Variants in CREM observed in about 807,000 individuals in gnomAD.
CREM encodes cAMP-responsive element modulator.
In CREM, 13 loss-of-function variants were observed where a neutral mutation model predicts 37.3. That is an observed-to-expected ratio of 0.35 (90% confidence interval 0.23 to 0.55). The LOEUF is 0.55. Ranked by LOEUF, CREM falls within the 20% of genes least tolerant of loss-of-function variation. The pLI, the probability that CREM is intolerant of heterozygous loss-of-function variation, is 0.88. For synonymous variants in CREM, 124 were observed against 120.2 expected (o/e 1.03, Z -0.21); for missense variants, 296 against 362.3 (o/e 0.82, Z 1.49).
chr10:35,212,086 A>G lies in CREM; in HGVS notation c.*688A>G, dbSNP rs17575347. ...GCAGCTCCCATTCTATGTGTCATCA[A>G]TAGTGTCCTATGCAATAAAATTATT... On this transcript the variant is annotated 3_prime_UTR_variant, in exon 8 of 8. Transcript: ENST00000685392. 2,439 of 270,186 alleles carry G rather than the reference A, an allele frequency of 9.0e-3. 18 individuals are homozygous for G. The highest frequency in any genetic ancestry group is 0.031 in the Middle Eastern group (28 of 902). The allele number at this position is 270,186 out of a possible 1,614,324, so 16.7% of individuals were successfully genotyped here.
chr10:35,134,770 G>A (rs1474443310), intron 1 of CREM, among the ~76,000 whole-genome samples: 1 of 152,130 alleles, frequency 6.6e-6, no homozygotes, highest in African/African-American at 2.4e-5. Flanking sequence ...TGGCATGATG[G>A]CTCAAGCCTG....
intron 3 of CREM, among the ~76,000 whole-genome samples, chr10:35,172,317 G>A (rs1181908442): frequency 6.6e-6 from 1 of 152,132 alleles, no homozygotes; most frequent in East Asian, 1.9e-4. Context: ...GATTAGTGTG[G>A]AATAGCTGTT....
In CREM at chr10:35,137,805, GA is replaced by G; in HGVS notation, c.-30del. On this transcript the variant is annotated 5_prime_UTR_variant, in exon 2 of 8. Transcript: ENST00000685392. ...AGGATAAATAAAGAAAACAGGAAAG[GA>G]GGAAAGCATTGATTACAAATATCTT... 6.6e-7 allele frequency: 1 copy of G among 1,506,296 alleles called. No individual in the cohort carries two copies. The highest frequency in any genetic ancestry group is 9.0e-7 in the Non-Finnish European group (1 of 1,111,870). 93.3% of individuals were successfully genotyped at this position (1,506,296 alleles called of 1,614,324 possible).
At chr10:35,209,427 T>C in intron 7 of CREM, 1 of 930,482 alleles carries the variant, frequency 1.1e-6, no homozygotes. Context: ...GTGTTTTCCA[T>C]GGCTGAGGAG....
intron 2 of CREM, among the ~76,000 whole-genome samples, chr10:35,142,379 G>A (rs1002644262): frequency 6.6e-6 from 1 of 152,178 alleles, no homozygotes; most frequent in African/African-American, 2.4e-5. Flanking sequence ...GGAACATGGT[G>A]AGTGTAGATG....
At chr10:35,145,733 G>A (rs1157138334) in intron 2 of CREM, among the ~76,000 whole-genome samples, 1 of 124,812 alleles carries the variant, frequency 8.0e-6, no homozygotes, top group African/African-American at 3.0e-5. Context: ...GAGCCGAGAT[G>A]CCTCTGCACT....
rs186423564 is a variant in CREM, at chr10:35,139,327, C to G, written c.44+1448C>G. On this transcript the variant is annotated intron_variant, in intron 2 of 7. Transcript: ENST00000685392. ...TAGAGATGGAGTTTCACCATATTGA[C>G]CAAGCTGGCCTCAAACTCCTGACCT... Among the ~76,000 whole-genome samples the G allele has an allele frequency of 1.5e-3, 225 of 152,198 alleles. 1 individual carries two copies. Among genetic ancestry groups the G allele is most frequent in the African/African-American group, 4.9e-3 (205 of 41,538 alleles).
chr10:35,130,196 CAAAAAAA>C (rs754455183), intron 1 of CREM, among the ~76,000 whole-genome samples: 1 of 67,206 alleles, frequency 1.5e-5, no homozygotes. Flanking sequence ...AACTCAGTCT[CAAAAAAA>C]AAAAAAAAAA....
intron 6 of CREM, among the ~76,000 whole-genome samples, chr10:35,193,554 G>C (rs956081786): frequency 1.3e-5 from 2 of 152,160 alleles, no homozygotes; most frequent in Middle Eastern, 3.2e-3. Flanking sequence ...GCCCCAGATT[G>C]AGGTTGATGT....
At chr10:35,164,743 C>T (rs2093453317) in intron 3 of CREM, among the ~76,000 whole-genome samples, 1 of 152,166 alleles carries the variant, frequency 6.6e-6, no homozygotes, top group Non-Finnish European at 1.5e-5. Context: ...AATTAGTCTG[C>T]TTTGCATTGC....
intron 1 of CREM, among the ~76,000 whole-genome samples, chr10:35,136,905 C>G (rs1477061434): frequency 6.6e-6 from 1 of 150,462 alleles, no homozygotes; most frequent in Non-Finnish European, 1.5e-5. Flanking sequence ...ATTGCAGCCT[C>G]AACTTTCCGC....
At chr10:35,156,850 C>A (rs961822739) in intron 3 of CREM, among the ~76,000 whole-genome samples, 33 of 152,288 alleles carry the variant, frequency 2.2e-4, no homozygotes, top group African/African-American at 7.9e-4. Flanking sequence ...AAACACATGT[C>A]TTTAAACAGG....
In CREM at chr10:35,188,313, A is replaced by G. The variant is rs754232021; in HGVS notation, c.523A>G (p.Ile175Val). ...AGGAGCTCCTCCACCAGGTGCTACA[A>G]TTGTACAGTACGCAGCACAATCAGC... ...NSGAPPPGATIVQYAAQSADG... is the reference protein window; with the variant it reads ...NSGAPPPGATVVQYAAQSADG... Residue 175 changes from isoleucine to valine, a missense_variant, in exon 6 of 8, where the codon ATT (isoleucine) becomes GTT (valine). Transcript: ENST00000685392. 2.3e-5 allele frequency: 37 copies of G among 1,614,102 alleles called. No homozygotes were observed. The highest frequency in any genetic ancestry group is 8.0e-5 in the African/African-American group (6 of 74,938).
At chr10:35,175,148 T>A (rs2093990071) in intron 3 of CREM, among the ~76,000 whole-genome samples, 1 of 152,158 alleles carries the variant, frequency 6.6e-6, no homozygotes, top group African/African-American at 2.4e-5. Context: ...GTCACACATT[T>A]AATAAAAATA....
At chr10:35,153,945 T>C in intron 3 of CREM, 1 of 393,622 alleles carries the variant, frequency 2.5e-6, no homozygotes, top group Non-Finnish European at 4.5e-6. Context: ...TCAGAGATTA[T>C]ACTCTCCTAA....
At chr10:35,128,992 T>A (rs1299553206) in intron 1 of CREM, among the ~76,000 whole-genome samples, 1 of 152,238 alleles carries the variant, frequency 6.6e-6, no homozygotes, top group Non-Finnish European at 1.5e-5. Context: ...TTTAAAGAAC[T>A]ATGTATTGAT....
At chr10:35,149,059 A>C (rs1040519813) in intron 3 of CREM, among the ~76,000 whole-genome samples, 1 of 152,220 alleles carries the variant, frequency 6.6e-6, no homozygotes, top group African/African-American at 2.4e-5. Context: ...GCATGTGGAT[A>C]TGTAGTTTCA....
Position 35,211,413 on chromosome 10 carries a change from G to A in CREM, c.*15G>A. ...AAGTAGAGTAACTGTCTTTGACTTGGACCTTGTTTACTCTAATCAAGGCAG... is the reference window on the plus strand; with the variant it reads ...AAGTAGAGTAACTGTCTTTGACTTGAACCTTGTTTACTCTAATCAAGGCAG... On this transcript the variant is annotated 3_prime_UTR_variant, in exon 8 of 8. Coordinates refer to ENST00000685392, the MANE Select transcript of CREM (RefSeq NM_183011.2). 1 of 1,610,172 alleles carries A rather than the reference G, an allele frequency of 6.2e-7. No individual in the cohort carries two copies. The highest frequency in any genetic ancestry group is 8.5e-7 in the Non-Finnish European group (1 of 1,178,302).
At chr10:35,174,088 A>G (rs2093944116) in intron 3 of CREM, among the ~76,000 whole-genome samples, 1 of 152,176 alleles carries the variant, frequency 6.6e-6, no homozygotes, top group African/African-American at 2.4e-5. Flanking sequence ...TCTAAACTAG[A>G]TGATAATACT....
Sources: allele counts gnomAD v4.1 joint callset (sites outside exome capture counted in the v4.1 genomes callset), GRCh38; gene constraint gnomAD v4.1.1; transcripts MANE v1.5; gene names NCBI Gene and HGNC (gene_info 2026-07-23, HGNC 2026-07-21).